The following DEPDC5 variants were observed in gnomAD, a reference collection of about 807,000 sequenced individuals.
The protein encoded by DEPDC5 is DEP domain containing 5, GATOR1 subcomplex subunit.
In DEPDC5, 73 loss-of-function variants were observed where a neutral mutation model predicts 217.3. The ratio of observed to expected loss-of-function variants is 0.34; its 90% confidence interval spans 0.28 to 0.41. DEPDC5 has a LOEUF of 0.41. DEPDC5 is among the 10% of genes least tolerant of loss of function. The pLI, the probability that DEPDC5 is intolerant of heterozygous loss-of-function variation, is 1.00. For missense variants in DEPDC5, 1,675 were observed against 2,070.1 expected, an observed-to-expected ratio of 0.81 and a Z score of 3.70; for synonymous variants, 733 against 756.7, an observed-to-expected ratio of 0.97 and a Z score of 0.51.
At chr22:31,898,199 A>C (rs761681722) in intron 40 of DEPDC5, among the ~76,000 whole-genome samples, 2 of 152,142 alleles carry the variant, frequency 1.3e-5, no homozygotes, top group Non-Finnish European at 2.9e-5. Flanking sequence ...TCAGAGGATG[A>C]TAGCAGGAAC....
chr22:31,902,407 A>ATT (rs1308430153), intron 41 of DEPDC5, among the ~76,000 whole-genome samples: 18 of 69,346 alleles, frequency 2.6e-4, no homozygotes, highest in African/African-American at 8.5e-4. Flanking sequence ...TCATCTCCTT[A>ATT]TTATATATAT....
intron 30 of DEPDC5, among the ~76,000 whole-genome samples, chr22:31,845,598 T>C (rs906143833): frequency 6.6e-6 from 1 of 152,170 alleles, no homozygotes; most frequent in East Asian, 1.9e-4. Context: ...TCCTCACTCT[T>C]CTTGCTCCAG....
At chr22:31,823,513 G>A (rs1036769156) in intron 24 of DEPDC5, among the ~76,000 whole-genome samples, 1 of 132,566 alleles carries the variant, frequency 7.5e-6, no homozygotes, top group Non-Finnish European at 1.6e-5. Context: ...AGCCTGGGCT[G>A]CACAGCCAGA....
At chr22:31,883,604 C>G (rs2093234657) in intron 38 of DEPDC5, among the ~76,000 whole-genome samples, 1 of 152,174 alleles carries the variant, frequency 6.6e-6, no homozygotes, top group African/African-American at 2.4e-5. Flanking sequence ...CTGATGGGTA[C>G]TACAATTTAT....
At chr22:31,803,880 A>G (rs569679647) in intron 15 of DEPDC5, among the ~76,000 whole-genome samples, 7 of 152,302 alleles carry the variant, frequency 4.6e-5, no homozygotes, top group Admixed American at 4.6e-4. Context: ...TAAACATGGA[A>G]GTTTGGTTGT....
intron 14 of DEPDC5, among the ~76,000 whole-genome samples, chr22:31,801,377 A>T (rs75555011): frequency 1.4e-3 from 206 of 152,310 alleles, no homozygotes; most frequent in Non-Finnish European, 1.8e-3. Flanking sequence ...TATATCAAGT[A>T]AAAAATGATA....
intron 10 of DEPDC5, among the ~76,000 whole-genome samples, chr22:31,791,246 C>G (rs1252052380): frequency 6.6e-6 from 1 of 152,134 alleles, no homozygotes. Flanking sequence ...AGGACTCCAT[C>G]TAGGGCTTCT....
chr22:31,900,493 C>T (rs1471916619), intron 40 of DEPDC5, among the ~76,000 whole-genome samples: 1 of 151,914 alleles, frequency 6.6e-6, no homozygotes, highest in African/African-American at 2.4e-5. Flanking sequence ...AATCCCAGCA[C>T]TTTGGGAGGC....
At chr22:31,785,932 T>G (rs1015549507) in intron 10 of DEPDC5, among the ~76,000 whole-genome samples, 1 of 152,094 alleles carries the variant, frequency 6.6e-6, no homozygotes, top group Non-Finnish European at 1.5e-5. Context: ...CCTCAAATCA[T>G]ATATGAAATG....
At chr22:31,837,311 A>C in intron 26 of DEPDC5, 156 bp downstream of exon 26, 1 of 738,312 alleles carries the variant, frequency 1.4e-6, no homozygotes, top group Non-Finnish European at 2.1e-6. Flanking sequence ...TAAATAAAAA[A>C]TTTTAAAAAA....
At chr22:31,831,956 C>A (rs889859662) in intron 24 of DEPDC5, among the ~76,000 whole-genome samples, 2 of 152,180 alleles carry the variant, frequency 1.3e-5, no homozygotes, top group African/African-American at 4.8e-5. Context: ...CTCTGGCAAC[C>A]ACTCATCTGT....
intron 31 of DEPDC5, among the ~76,000 whole-genome samples, chr22:31,856,232 GACACAC>G (rs58670229): frequency 2.8e-5 from 4 of 143,652 alleles, no homozygotes; most frequent in African/African-American, 5.2e-5. Context: ...CATTGCCTAT[GACACAC>G]ACACACACAC....
chr22:31,839,888 T>C lies in DEPDC5; in HGVS notation c.2515+1043T>C, dbSNP rs2091283823. Among the ~76,000 whole-genome samples, 4 of 152,192 alleles carry C rather than the reference T, an allele frequency of 2.6e-5. No homozygotes were observed. The South Asian group carries it at 8.3e-4, about 32-fold the overall frequency. On this transcript the variant is annotated intron_variant, in intron 27 of 42. Transcript: ENST00000651528. ...TTGGCTGGGCGTAATCCTAGCACGT[T>C]GGGAGGCTGAGGCAGGAGGATCCCT...
At chr22:31,857,068 C>G (rs1423354230) in intron 31 of DEPDC5, among the ~76,000 whole-genome samples, 9 of 152,034 alleles carry the variant, frequency 5.9e-5, no homozygotes, top group Non-Finnish European at 1.2e-4. Flanking sequence ...ACCACACAGT[C>G]TTAACATTCA....
chr22:31,834,271 C>T (rs1443986479), intron 25 of DEPDC5: 1 of 397,490 alleles, frequency 2.5e-6, no homozygotes, highest in Non-Finnish European at 4.7e-6. Context: ...TCACCCTTAA[C>T]TGCCTAATGA....
chr22:31,870,520 A>G, intron 33 of DEPDC5, 70 bp from the exon 34 acceptor site: 1 of 1,416,816 alleles, frequency 7.1e-7, no homozygotes, highest in African/African-American at 1.5e-5. Context: ...ATAAGCCAGT[A>G]CAGCTTATTT....
intron 34 of DEPDC5, 146 bp from the exon 35 acceptor site, chr22:31,873,109 A>G (rs1406394690): frequency 2.0e-6 from 3 of 1,480,346 alleles, no homozygotes; most frequent in Non-Finnish European, 2.7e-6. Context: ...CCCCTGATAT[A>G]GCTGTTTGGA....
intron 27 of DEPDC5, among the ~76,000 whole-genome samples, chr22:31,839,168 AATT>A (rs2091236791): frequency 6.6e-6 from 1 of 152,148 alleles, no homozygotes; most frequent in East Asian, 1.9e-4. Context: ...ACCTATATTT[AATT>A]GTTTCTAGTA....
In DEPDC5 at chr22:31,905,969, C is replaced by G. The variant is rs755374231; in HGVS notation, c.4437-15C>G. On this transcript the variant is annotated splice_polypyrimidine_tract_variant and intron_variant, in intron 41 of 42. Transcript: ENST00000651528. ...AAGGAGGCGCTGATTAGCATGTCTT[C>G]CTGTCCTTCCCTAGGTTTGGGTTTG... 1.1e-5 allele frequency: 18 copies of G among 1,612,356 alleles called. No individual in the cohort carries two copies. The East Asian group carries it at 4.0e-4, about 36-fold the overall frequency.
Sources: allele counts gnomAD v4.1 joint callset (sites outside exome capture counted in the v4.1 genomes callset), GRCh38; gene constraint gnomAD v4.1.1; transcripts MANE v1.5; gene names NCBI Gene and HGNC (gene_info 2026-07-23, HGNC 2026-07-21).